Variants in ARHGAP15 observed in about 807,000 individuals in gnomAD.
ARHGAP15 encodes the protein rho GTPase-activating protein 15.
ARHGAP15 carries 51 observed loss-of-function variants against 63.7 expected under a neutral mutation model. The ratio of observed to expected loss-of-function variants is 0.80; its 90% CI spans 0.64 to 1.01. ARHGAP15 has a LOEUF of 1.01. ARHGAP15 is among the 50% of genes least tolerant of loss of function. ARHGAP15 has a pLI of 0.00. For synonymous variants in ARHGAP15, 191 were observed against 193.8 expected (o/e 0.99, Z 0.12); for missense variants, 560 against 564.6 (o/e 0.99, Z 0.08).
chr2:143,205,269 A>G (rs1002899900), intron 3 of ARHGAP15, among the ~76,000 whole-genome samples: 8 of 151,670 alleles, frequency 5.3e-5, no homozygotes, highest in African/African-American at 1.4e-4. Flanking sequence ...AAAAAAAAAA[A>G]AAAGAAACAG....
chr2:143,622,639 G>A (rs1441919427), intron 11 of ARHGAP15, among the ~76,000 whole-genome samples: 1 of 152,114 alleles, frequency 6.6e-6, no homozygotes, highest in Non-Finnish European at 1.5e-5. Flanking sequence ...ATTGTGTTAT[G>A]ATTGAGGTAG....
chr2:143,248,691 G>A (rs1471919084), intron 5 of ARHGAP15, among the ~76,000 whole-genome samples: 1 of 152,180 alleles, frequency 6.6e-6, no homozygotes, highest in East Asian at 1.9e-4. Context: ...TTGTGTCCAT[G>A]TGTTAGCCAC....
intron 11 of ARHGAP15, among the ~76,000 whole-genome samples, chr2:143,591,598 GT>G (rs200541505): frequency 5.6e-5 from 8 of 143,952 alleles, no homozygotes; most frequent in Admixed American, 2.1e-4. Flanking sequence ...GGATAAGTTG[GT>G]TTTTTTTGTT....
chr2:143,371,388 C>T (rs1025425760), intron 6 of ARHGAP15, among the ~76,000 whole-genome samples: 2 of 152,152 alleles, frequency 1.3e-5, no homozygotes, highest in Admixed American at 1.3e-4. Flanking sequence ...ATTTGGCAAT[C>T]TCTAGAGTTT....
intron 12 of ARHGAP15, among the ~76,000 whole-genome samples, chr2:143,660,615 A>G (rs1207603399): frequency 6.6e-6 from 1 of 152,236 alleles, no homozygotes; most frequent in Non-Finnish European, 1.5e-5. Context: ...GTAAAACTCA[A>G]TGAACTGTAC....
chr2:143,525,095 C>T (rs778309911), intron 10 of ARHGAP15, among the ~76,000 whole-genome samples: 1 of 152,156 alleles, frequency 6.6e-6, no homozygotes, highest in Non-Finnish European at 1.5e-5. Context: ...CCTAGACAAG[C>T]TCTGCTCCCA....
intron 1 of ARHGAP15, among the ~76,000 whole-genome samples, chr2:143,153,408 A>G (rs1425313911): frequency 6.6e-6 from 1 of 152,014 alleles, no homozygotes; most frequent in Admixed American, 6.6e-5. Context: ...AAACTCTTGC[A>G]TTCTCAATTA....
intron 9 of ARHGAP15, 116 bp from the exon 10 acceptor site, chr2:143,519,150 A>ATTTAG: frequency 1.3e-6 from 1 of 749,444 alleles, no homozygotes; most frequent in Non-Finnish European, 2.2e-6. Flanking sequence ...ATAAAGCAAA[A>ATTTAG]AAAAAATCTT....
At chr2:143,174,062 T>A (rs1690913020) in intron 2 of ARHGAP15, among the ~76,000 whole-genome samples, 1 of 152,104 alleles carries the variant, frequency 6.6e-6, no homozygotes, top group Non-Finnish European at 1.5e-5. Context: ...AACGTCGCAT[T>A]TATCAAACAG....
At chr2:143,425,614 A>G (rs557373177) in intron 6 of ARHGAP15, among the ~76,000 whole-genome samples, 6 of 152,242 alleles carry the variant, frequency 3.9e-5, no homozygotes, top group Admixed American at 3.9e-4. Flanking sequence ...GTAAACAGTT[A>G]GGAATGTTCT....
At chr2:143,161,751 C>T (rs1389289665) in intron 2 of ARHGAP15, among the ~76,000 whole-genome samples, 2 of 151,888 alleles carry the variant, frequency 1.3e-5, no homozygotes, top group Middle Eastern at 3.2e-3. Context: ...TAGAACGGAG[C>T]AAGAAGCTGT....
chr2:143,507,131 A>G (rs1417423219), intron 9 of ARHGAP15, among the ~76,000 whole-genome samples: 3 of 152,180 alleles, frequency 2.0e-5, no homozygotes, highest in African/African-American at 7.2e-5. Flanking sequence ...AGCTTCCTCT[A>G]CTTAGTAAAA....
intron 11 of ARHGAP15, among the ~76,000 whole-genome samples, chr2:143,573,231 C>T (rs1044375012): frequency 6.6e-6 from 1 of 152,104 alleles, no homozygotes; most frequent in African/African-American, 2.4e-5. Flanking sequence ...GTTTTGCATC[C>T]CTTACAAAAT....
chr2:143,224,491 G>A (rs1427298790), intron 4 of ARHGAP15, among the ~76,000 whole-genome samples: 1 of 152,070 alleles, frequency 6.6e-6, no homozygotes, highest in Middle Eastern at 3.2e-3. Flanking sequence ...ATTTCTTTGT[G>A]GGAGCTTGGG....
chr2:143,542,580 A>G (rs1695120462), intron 10 of ARHGAP15, among the ~76,000 whole-genome samples: 1 of 147,800 alleles, frequency 6.8e-6, no homozygotes, highest in African/African-American at 2.5e-5. Context: ...GTGTGTGCAC[A>G]TATATATCAT....
intron 2 of ARHGAP15, among the ~76,000 whole-genome samples, chr2:143,178,892 C>T (rs1178194200): frequency 1.3e-5 from 2 of 152,178 alleles, no homozygotes; most frequent in East Asian, 1.9e-4. Context: ...GCTTGAGCAC[C>T]GCTTTTCATC....
intron 6 of ARHGAP15, among the ~76,000 whole-genome samples, chr2:143,296,954 G>A (rs976561941): frequency 6.6e-6 from 1 of 151,862 alleles, no homozygotes; most frequent in African/African-American, 2.4e-5. Context: ...AAGGATAATA[G>A]CCAAATATAC....
intron 6 of ARHGAP15, among the ~76,000 whole-genome samples, chr2:143,288,134 C>T (rs1384308763): frequency 6.6e-6 from 1 of 152,152 alleles, no homozygotes; most frequent in Non-Finnish European, 1.5e-5. Context: ...GAAAAAGTGC[C>T]ATGTGATTCA....
chr2:143,163,529 G>T (rs1401468153), intron 2 of ARHGAP15, among the ~76,000 whole-genome samples: 1 of 151,794 alleles, frequency 6.6e-6, no homozygotes, highest in African/African-American at 2.4e-5. Flanking sequence ...ATATTTACAA[G>T]CTGAAATATC....
Sources: gnomAD v4.1 joint callset for allele counts (sites outside exome capture counted in the v4.1 genomes callset) on GRCh38, gnomAD v4.1.1 for gene constraint, MANE v1.5 for transcripts, NCBI Gene and HGNC (gene_info 2026-07-23, HGNC 2026-07-21) for gene names.